NUMB: variants seen among roughly 807,000 people sequenced by gnomAD.
The protein encoded by NUMB is NUMB endocytic adaptor protein, also known as protein numb homolog.
Under a neutral mutation model 59.7 loss-of-function variants are expected in NUMB, and 29 were observed. The ratio of observed to expected loss-of-function variants is 0.49; its 90% CI spans 0.36 to 0.66. The LOEUF (loss-of-function observed/expected upper bound fraction) is 0.66, where lower values mean the gene tolerates loss of function less well. NUMB is among the 30% of genes least tolerant of loss of function. The pLI is 0.00. For missense variants in NUMB, 723 were observed against 822.0 expected, an observed-to-expected ratio of 0.88 and a Z score of 1.47; for synonymous variants, 288 against 288.2, an observed-to-expected ratio of 1.00 and a Z score of 0.01.
At chr14:73,342,610 A>C (rs775484550) in intron 4 of NUMB, among the ~76,000 whole-genome samples, 2 of 152,228 alleles carry the variant, frequency 1.3e-5, no homozygotes, top group Non-Finnish European at 2.9e-5. Flanking sequence ...TTTAATTTCT[A>C]GTATTAAAAA....
intron 1 of NUMB, among the ~76,000 whole-genome samples, chr14:73,438,171 C>A (rs1418510480): frequency 1.3e-5 from 2 of 152,154 alleles, no homozygotes; most frequent in African/African-American, 2.4e-5. Flanking sequence ...GATAATTCCA[C>A]TTACAATAAT....
In NUMB at chr14:73,361,727, T is replaced by C. The variant is rs189435263; in HGVS notation, c.-16+5170A>G. Among the ~76,000 whole-genome samples, 43 of 152,274 alleles carry C rather than the reference T, an allele frequency of 2.8e-4. No homozygotes were observed. The East Asian group carries it at 7.7e-3, about 27-fold the overall frequency. ...ATAATATTCTGTATCCAACAAAGTA[T>C]TGTGCTAGGTACTAGAAGAGCCAGG... is the stretch of plus-strand genomic sequence containing the variant. On this transcript the variant is annotated intron_variant, in intron 3 of 12. Transcript: ENST00000555238.
chr14:73,311,700 C>A (rs913768057), intron 6 of NUMB, among the ~76,000 whole-genome samples: 1 of 152,128 alleles, frequency 6.6e-6, no homozygotes, highest in Admixed American at 6.5e-5. Flanking sequence ...TTCTATTTAT[C>A]CTGGATCATC....
intron 4 of NUMB, among the ~76,000 whole-genome samples, chr14:73,329,766 C>A (rs1891859243): frequency 6.6e-6 from 1 of 152,196 alleles, no homozygotes; most frequent in East Asian, 1.9e-4. Flanking sequence ...CAGCTCACTG[C>A]ACTTGTTACT....
At chr14:73,435,496 G>A (rs146247430) in intron 1 of NUMB, among the ~76,000 whole-genome samples, 1,673 of 150,946 alleles carry the variant, frequency 0.011, 27 homozygotes, top group African/African-American at 0.038. Flanking sequence ...GGATGGTCTC[G>A]ATCTCCTGAC....
intron 3 of NUMB, among the ~76,000 whole-genome samples, chr14:73,357,231 C>T (rs753024103): frequency 1.3e-5 from 2 of 150,368 alleles, no homozygotes; most frequent in African/African-American, 4.9e-5. Flanking sequence ...AGCGAAACCC[C>T]GTCTCTACTA....
At chr14:73,304,531 G>A (rs1156630234) in intron 6 of NUMB, among the ~76,000 whole-genome samples, 2 of 151,902 alleles carry the variant, frequency 1.3e-5, no homozygotes, top group African/African-American at 4.8e-5. Context: ...CTGGTCTCAA[G>A]TTCTGGCTTC....
chr14:73,318,847 A>AT (rs1189802523), intron 5 of NUMB, among the ~76,000 whole-genome samples: 4 of 134,086 alleles, frequency 3.0e-5, no homozygotes, highest in African/African-American at 1.4e-4. Flanking sequence ...TAGTTATAAT[A>AT]TTTTTTTCAT....
At chr14:73,305,714 T>C (rs1890393267) in intron 6 of NUMB, among the ~76,000 whole-genome samples, 1 of 152,220 alleles carries the variant, frequency 6.6e-6, no homozygotes, top group African/African-American at 2.4e-5. Flanking sequence ...CAAGTCACTC[T>C]CAGAACAACA....
At chr14:73,328,501 T>C (rs1030928370) in intron 4 of NUMB, among the ~76,000 whole-genome samples, 2 of 152,212 alleles carry the variant, frequency 1.3e-5, no homozygotes, top group East Asian at 1.9e-4. Context: ...CTTTATAAGA[T>C]ACTCTTTCCC....
chr14:73,332,226 A>G (rs1352447993), intron 4 of NUMB, among the ~76,000 whole-genome samples: 1 of 152,024 alleles, frequency 6.6e-6, no homozygotes, highest in African/African-American at 2.4e-5. Context: ...TGGTGACACC[A>G]AAGACTTTAG....
At chr14:73,318,608 T>C (rs896007943) in intron 5 of NUMB, among the ~76,000 whole-genome samples, 7 of 152,188 alleles carry the variant, frequency 4.6e-5, no homozygotes, top group African/African-American at 1.7e-4. Flanking sequence ...GGCTGATATA[T>C]GACAATATTC....
chr14:73,380,513 TTAAA>T (rs1178527762), intron 2 of NUMB, among the ~76,000 whole-genome samples: 1 of 152,150 alleles, frequency 6.6e-6, no homozygotes, highest in Non-Finnish European at 1.5e-5. Flanking sequence ...ACTTTCATCA[TTAAA>T]TAGTCTTAAC....
chr14:73,367,316 C>T (rs1158495495), intron 2 of NUMB, among the ~76,000 whole-genome samples: 6 of 123,106 alleles, frequency 4.9e-5, no homozygotes, highest in South Asian at 2.5e-4. Context: ...CACACACACA[C>T]ACACACATAT....
At chr14:73,387,900 T>C (rs373278865) in intron 2 of NUMB, among the ~76,000 whole-genome samples, 34 of 150,666 alleles carry the variant, frequency 2.3e-4, no homozygotes, top group East Asian at 2.1e-3. Flanking sequence ...AGGAGGATCA[T>C]TTGAGCCCAG....
intron 2 of NUMB, among the ~76,000 whole-genome samples, chr14:73,402,317 C>T (rs983301592): frequency 3.3e-5 from 5 of 152,136 alleles, no homozygotes; most frequent in Admixed American, 6.6e-5. Flanking sequence ...GACTGATTCC[C>T]TATCTGTTAT....
intron 1 of NUMB, among the ~76,000 whole-genome samples, chr14:73,414,724 G>T (rs907013102): frequency 5.9e-5 from 9 of 152,014 alleles, no homozygotes; most frequent in African/African-American, 1.9e-4. Context: ...GCGGGTGCGG[G>T]GGGGGCGGGT....
At chr14:73,442,750 C>A (rs571750849) in intron 1 of NUMB, among the ~76,000 whole-genome samples, 5 of 152,042 alleles carry the variant, frequency 3.3e-5, no homozygotes, top group African/African-American at 9.7e-5. Context: ...GAGTTGCCTG[C>A]GGGAATAGAA....
chr14:73,300,220 A>C (rs117937649), intron 6 of NUMB, among the ~76,000 whole-genome samples: 2 of 152,288 alleles, frequency 1.3e-5, no homozygotes, highest in Non-Finnish European at 2.9e-5. Flanking sequence ...TAGAGAACAA[A>C]GTCCAACAAA....
Sources: gnomAD v4.1 joint callset for allele counts (sites outside exome capture counted in the v4.1 genomes callset) on GRCh38, gnomAD v4.1.1 for gene constraint, MANE v1.5 for transcripts, NCBI Gene and HGNC (gene_info 2026-07-23, HGNC 2026-07-21) for gene names.